GTPBP10: variants seen among roughly 807,000 people sequenced by gnomAD.
GTPBP10 encodes the protein GTP binding protein 10.
In GTPBP10, 38 loss-of-function variants were observed where a neutral mutation model predicts 44.8. That is an observed-to-expected ratio of 0.85 (90% confidence interval 0.65 to 1.11). The LOEUF is 1.11. GTPBP10 is among the 50% of genes most tolerant of loss of function. GTPBP10 has a pLI of 0.00. For synonymous variants in GTPBP10, 152 were observed against 150.6 expected, an observed-to-expected ratio of 1.01 and a Z score of -0.07; for missense variants, 462 against 453.7, an observed-to-expected ratio of 1.02 and a Z score of -0.17.
intron 6 of GTPBP10, among the ~76,000 whole-genome samples, chr7:90,376,637 C>T (rs1163790591): frequency 6.6e-6 from 1 of 152,200 alleles, no homozygotes; most frequent in Admixed American, 6.5e-5. Context: ...AGGAGAATCA[C>T]ACCTCTATTA....
In GTPBP10 at chr7:90,386,416, C is replaced by A. The variant is rs1477524090; in HGVS notation, c.*1262C>A. The stretch of plus-strand genomic sequence containing the variant: ...TTTCTTGAATGTAATAGTATTTTTT[C>A]CTGAATTGGAGGAGACTGATCTATA... On this transcript the variant is annotated 3_prime_UTR_variant, in exon 10 of 10. Coordinates refer to ENST00000222511, the MANE Select transcript of GTPBP10 (RefSeq NM_033107.4). 2.0e-5 allele frequency: 3 copies of A among 152,038 alleles called. No homozygotes were observed. The highest frequency in any genetic ancestry group is 2.9e-5 in the Non-Finnish European group (2 of 68,014). The allele number at this position is 152,038 out of a possible 1,614,324, so 9.4% of individuals were successfully genotyped here.
chr7:90,381,324 A>G (rs1034541277), intron 8 of GTPBP10, among the ~76,000 whole-genome samples: 1 of 152,134 alleles, frequency 6.6e-6, no homozygotes, highest in African/African-American at 2.4e-5. Flanking sequence ...GATAATAGCC[A>G]TCCTTCCAAG....
intron 2 of GTPBP10, chr7:90,353,332 C>G (rs1795831843): frequency 5.3e-6 from 1 of 189,918 alleles, no homozygotes; most frequent in Non-Finnish European, 1.1e-5. Context: ...AACTTTCAGT[C>G]TTAACCATGC....
chr7:90,361,265 G>A (rs1326546799), intron 4 of GTPBP10, among the ~76,000 whole-genome samples: 1 of 152,190 alleles, frequency 6.6e-6, no homozygotes, highest in Admixed American at 6.5e-5. Context: ...GATATTGGCT[G>A]TGGGTTTGTC....
At chr7:90,357,844 T>A (rs1336368970) in intron 4 of GTPBP10, among the ~76,000 whole-genome samples, 1 of 152,178 alleles carries the variant, frequency 6.6e-6, no homozygotes, top group African/African-American at 2.4e-5. Context: ...AATCAAAGCC[T>A]TTAAAATGAG....
chr7:90,378,003 G>T, intron 7 of GTPBP10, 131 bp from the exon 8 acceptor site: 1 of 1,154,158 alleles, frequency 8.7e-7, no homozygotes, highest in Non-Finnish European at 1.2e-6. Context: ...TACTTATTTT[G>T]AATTACTAAG....
intron 8 of GTPBP10, among the ~76,000 whole-genome samples, chr7:90,380,849 A>G (rs1249872721): frequency 1.3e-5 from 2 of 151,988 alleles, no homozygotes; most frequent in Non-Finnish European, 2.9e-5. Flanking sequence ...TATGAATTCA[A>G]CCTTTTAAGA....
rs1369285255 is a variant in GTPBP10, at chr7:90,387,575, C to T, written c.*2421C>T. The stretch of plus-strand genomic sequence containing the variant: ...TTTGTTTTATTTTCTGTTCCTCACT[C>T]CTACCTCTCATTCCAGTCCCCAAAC... On this transcript the variant is annotated 3_prime_UTR_variant, in exon 10 of 10. Transcript: ENST00000222511. 6.6e-6 allele frequency: 1 copy of T among 152,148 alleles called. No individual in the cohort carries two copies. Among genetic ancestry groups the T allele is most frequent in the Non-Finnish European group, 1.5e-5 (1 of 68,036 alleles). The allele number at this position is 152,148 out of a possible 1,614,324, so 9.4% of individuals were successfully genotyped here.
intron 4 of GTPBP10, among the ~76,000 whole-genome samples, chr7:90,367,463 T>C (rs7787377): frequency 0.49 from 74,607 of 151,966 alleles, 19,444 homozygotes; most frequent in African/African-American, 0.67. Context: ...TCTGGGTGCT[T>C]TTGTATTGGG....
At position 90,382,843 on chromosome 7, in the gene GTPBP10, T is replaced by C. The variant is rs1410928864; in HGVS notation, c.778-113T>C. The C allele has an allele frequency of 1.2e-5, 7 of 588,032 alleles. No homozygotes were observed. In the East Asian group the frequency reaches 2.0e-4, roughly 17 times the overall value. The allele number at this position is 588,032 out of a possible 1,614,324, so 36.4% of individuals were successfully genotyped here. The stretch of plus-strand genomic sequence containing the variant: ...TTTGTTTTCTGTTGTTGGGATTTAT[T>C]GCATTTCGGTGATGTGAATGGGTTT... On this transcript the variant is annotated intron_variant, in intron 8 of 9. Transcript: ENST00000222511.
Position 90,378,112 on chromosome 7 carries a change from TCTTTC to T in GTPBP10, c.700-18_700-14del, listed in dbSNP as rs973834296. 11 of 1,597,404 alleles carry T rather than the reference TCTTTC, an allele frequency of 6.9e-6. No individual in the cohort carries two copies. The highest frequency in any genetic ancestry group is 4.5e-5 in the East Asian group (2 of 44,632). On this transcript the variant is annotated splice_polypyrimidine_tract_variant and intron_variant, in intron 7 of 9. Coordinates refer to ENST00000222511, the MANE Select transcript of GTPBP10 (RefSeq NM_033107.4). ...TATTCTTCGTATGTTAAAGGCTGTCTCTTTCCTTCTCTTTTTTTTAGGTTGATATT... is the reference window on the plus strand; with the variant it reads ...TATTCTTCGTATGTTAAAGGCTGTCTCTTCTCTTTTTTTTAGGTTGATATT...
chr7:90,346,795 C>T, intron 1 of GTPBP10, 21 bp downstream of exon 1: 1 of 1,613,312 alleles, frequency 6.2e-7, no homozygotes, highest in South Asian at 1.1e-5. Context: ...GTCCCCTCAG[C>T]CTGGTCCCCT....
chr7:90,382,902 A>G, intron 8 of GTPBP10, 54 bp from the exon 9 acceptor site: 1 of 1,255,724 alleles, frequency 8.0e-7, no homozygotes, highest in Non-Finnish European at 1.1e-6. Flanking sequence ...CCAAATAAGT[A>G]GTTTATACAG....
chr7:90,346,762 G>T lies in GTPBP10; in HGVS notation c.21G>T (p.Val7=). 2 of 1,614,262 alleles carry T rather than the reference G, an allele frequency of 1.2e-6. No homozygotes were observed. The highest frequency in any genetic ancestry group is 1.7e-6 in the Non-Finnish European group (2 of 1,180,050). The change falls in exon 1 of 10, where the codon GTG becomes GTT. Residue 7 remains valine, a synonymous_variant. Transcript: ENST00000222511. MVHCSC[V]LFRKYGNFID... is the part of the protein sequence containing the mutation. Reference sequence around the variant, plus strand: ...CAGCCATGGTGCATTGCAGTTGCGTGTTGTTCAGAAAGGTCCGTGCGGGTC... The same window carrying T: ...CAGCCATGGTGCATTGCAGTTGCGTTTTGTTCAGAAAGGTCCGTGCGGGTC...
chr7:90,353,506 T>C lies in GTPBP10; in HGVS notation c.227+497T>C, dbSNP rs566875077. 2.6e-5 allele frequency among the ~76,000 whole-genome samples: 4 copies of C among 152,338 alleles called. No individual in the cohort carries two copies. In the South Asian group the frequency reaches 6.2e-4, roughly 24 times the overall value. Reference sequence around the variant, plus strand: ...TTACAATCTGCTATTTTTACTTTTTTTCACATGTCAAAATTATTCAGAATA... The same window carrying C: ...TTACAATCTGCTATTTTTACTTTTTCTCACATGTCAAAATTATTCAGAATA... On this transcript the variant is annotated intron_variant, in intron 2 of 9. Coordinates refer to ENST00000222511, the MANE Select transcript of GTPBP10 (RefSeq NM_033107.4).
At chr7:90,375,736 T>C (rs1796334544) in intron 6 of GTPBP10, among the ~76,000 whole-genome samples, 2 of 152,126 alleles carry the variant, frequency 1.3e-5, no homozygotes, top group Admixed American at 6.5e-5. Flanking sequence ...GAATTATTTA[T>C]CTACACTGGG....
In GTPBP10 at chr7:90,384,941, G is replaced by T; in HGVS notation, c.951G>T (p.Glu317Asp). 1.2e-6 allele frequency: 2 copies of T among 1,612,376 alleles called. No individual in the cohort carries two copies. Among genetic ancestry groups the T allele is most frequent in the Non-Finnish European group, 1.7e-6 (2 of 1,178,642 alleles). Residue 317 changes from glutamate to aspartate, a missense_variant, in exon 10 of 10, where the codon GAG becomes GAT. Glu to Asp is a conservative substitution (Grantham distance 45, BLOSUM62 2). Transcript: ENST00000222511. ...EKNMIPERTVEFQHIIPISAV... is the reference protein window; with the variant it reads ...EKNMIPERTVDFQHIIPISAV... ...ACATGATTCCAGAGAGGACTGTAGA[G>T]TTCCAACATATCATCCCCATATCTG...
chr7:90,347,960 G>A (rs1795713301), intron 1 of GTPBP10, among the ~76,000 whole-genome samples: 1 of 152,172 alleles, frequency 6.6e-6, no homozygotes, highest in Admixed American at 6.5e-5. Flanking sequence ...AGGCATGGTA[G>A]GTGAGCCTAT....
Position 90,372,225 on chromosome 7 carries a change from G to A in GTPBP10, c.535G>A (p.Ala179Thr), listed in dbSNP as rs1307799431. ...SHAKPAIADYAFTTLKPELGK... is the reference protein window; with the variant it reads ...SHAKPAIADYTFTTLKPELGK... ...TGCAAAACCTGCAATTGCAGATTACGCATGTAAGTGTAATTTGATTGTACA... is the reference window on the plus strand; with the variant it reads ...TGCAAAACCTGCAATTGCAGATTACACATGTAAGTGTAATTTGATTGTACA... The change falls in exon 5 of 10, where the codon GCA becomes ACA. Residue 179 changes from alanine (A) to threonine (T), a missense_variant. Coordinates refer to ENST00000222511, the MANE Select transcript of GTPBP10 (RefSeq NM_033107.4). 5 of 1,582,332 alleles carry A rather than the reference G, an allele frequency of 3.2e-6. No homozygotes were observed. Among genetic ancestry groups the A allele is most frequent in the South Asian group, 2.2e-5 (2 of 88,920 alleles).
Sources: gnomAD v4.1 joint callset for allele counts (sites outside exome capture counted in the v4.1 genomes callset) on GRCh38, gnomAD v4.1.1 for gene constraint, MANE v1.5 for transcripts, NCBI Gene and HGNC (gene_info 2026-07-23, HGNC 2026-07-21) for gene names.